Variants in USP42 observed in about 807,000 individuals in gnomAD.
USP42 encodes ubiquitin specific peptidase 42.
USP42 carries 23 observed loss-of-function variants against 113.0 expected under a neutral mutation model. That is an observed-to-expected ratio of 0.20 (90% CI 0.15 to 0.29). USP42 has a LOEUF of 0.29. USP42 is among the 10% of genes least tolerant of loss of function. The pLI is 1.00. For synonymous variants in USP42, 933 were observed against 699.0 expected (o/e 1.33, Z -5.28); for missense variants, 2,174 against 1,779.8 (o/e 1.22, Z -3.99).
At chr7:6,131,967 C>T (rs1780875035) in intron 3 of USP42, among the ~76,000 whole-genome samples, 1 of 152,176 alleles carries the variant, frequency 6.6e-6, no homozygotes, top group Non-Finnish European at 1.5e-5. Context: ...CAGGCTGTCA[C>T]TCTCACCCAG....
intron 3 of USP42, among the ~76,000 whole-genome samples, chr7:6,119,676 A>G (rs1043739731): frequency 7.2e-5 from 11 of 151,872 alleles, no homozygotes; most frequent in African/African-American, 1.9e-4. Context: ...ATACCTATTC[A>G]TTTAGGCCTT....
At chr7:6,146,053 CTCCATCTCA>C in intron 10 of USP42, 86 bp from the exon 11 acceptor site, 1 of 970,194 alleles carries the variant, frequency 1.0e-6, no homozygotes, top group Non-Finnish European at 1.5e-6. Context: ...CAGAGTGAGA[CTCCATCTCA>C]AAAAAAAAGA....
At chr7:6,114,595 T>C (rs994868963) in intron 2 of USP42, among the ~76,000 whole-genome samples, 3 of 148,192 alleles carry the variant, frequency 2.0e-5, no homozygotes, top group Middle Eastern at 3.5e-3. Flanking sequence ...GTTGTTGTTT[T>C]ATGTATATAT....
intron 3 of USP42, among the ~76,000 whole-genome samples, chr7:6,125,370 A>G (rs550032510): frequency 1.1e-3 from 163 of 152,008 alleles, no homozygotes; most frequent in Non-Finnish European, 1.5e-3. Context: ...GATGCCTGTA[A>G]TCTCAGCTAC....
chr7:6,119,965 GT>G (rs1780125510), intron 3 of USP42, among the ~76,000 whole-genome samples: 1 of 151,854 alleles, frequency 6.6e-6, no homozygotes, highest in South Asian at 2.1e-4. Flanking sequence ...GCCTTTTTTT[GT>G]TTTTGTTTTT....
upstream of USP42, among the ~76,000 whole-genome samples, chr7:6,104,146 G>C (rs1779115697): frequency 6.6e-6 from 1 of 151,312 alleles, no homozygotes; most frequent in Non-Finnish European, 1.5e-5. Flanking sequence ...GCAGAGGCGC[G>C]ATCTCGGCTC....
chr7:6,099,237 C>T, the USP42 span, among the ~76,000 whole-genome samples: 16 of 104,408 alleles, frequency 1.5e-4, no homozygotes, highest in Admixed American at 4.9e-4. Context: ...TTTTTTGAGA[C>T]GGAGTCTCGT....
At chr7:6,133,454 A>C (rs1279515349) in intron 3 of USP42, among the ~76,000 whole-genome samples, 1 of 152,106 alleles carries the variant, frequency 6.6e-6, no homozygotes, top group African/African-American at 2.4e-5. Flanking sequence ...CAAGTTCACT[A>C]ATCTTTTCTT....
intron 6 of USP42, 131 bp from the exon 7 acceptor site, chr7:6,140,783 T>C: frequency 1.7e-6 from 1 of 599,888 alleles, no homozygotes. Context: ...TTAAAACTTT[T>C]TTTGTTCAAT....
the USP42 span, among the ~76,000 whole-genome samples, chr7:6,093,252 C>T: frequency 2.2e-5 from 3 of 137,154 alleles, no homozygotes; most frequent in South Asian, 7.1e-4. Flanking sequence ...TCCTTCCTTT[C>T]TTCCTTTCTT....
At chr7:6,147,209 A>G (rs1278045842) in intron 11 of USP42, among the ~76,000 whole-genome samples, 1 of 152,204 alleles carries the variant, frequency 6.6e-6, no homozygotes, top group Non-Finnish European at 1.5e-5. Context: ...TTTTGTTTCT[A>G]ACTTTTTTGG....
At chr7:6,152,532 CT>C (rs1258005250) in intron 14 of USP42, among the ~76,000 whole-genome samples, 1 of 151,204 alleles carries the variant, frequency 6.6e-6, no homozygotes, top group Non-Finnish European at 1.5e-5. Flanking sequence ...CTGAGGCCCT[CT>C]GTTAGGAGGG....
rs1188668870 is a variant in USP42 at position 6,140,214 on chromosome 7, G to C, written c.724+19G>C. 1.2e-6 allele frequency: 2 copies of C among 1,603,974 alleles called. No homozygotes were observed. The highest frequency in any genetic ancestry group is 1.7e-6 in the Non-Finnish European group (2 of 1,171,028). Reference sequence around the variant, plus strand: ...TCTAGAGGTAAGCTTTTGCTTATAAGTTGATAAAATGATACACACATGTGG... The same window carrying C: ...TCTAGAGGTAAGCTTTTGCTTATAACTTGATAAAATGATACACACATGTGG... On this transcript the variant is annotated intron_variant, in intron 6 of 17. Coordinates refer to ENST00000306177, the MANE Select transcript of USP42 (RefSeq NM_032172.3).
chr7:6,094,647 T>A, the USP42 span, among the ~76,000 whole-genome samples: 1 of 151,144 alleles, frequency 6.6e-6, no homozygotes, highest in Admixed American at 6.6e-5. Flanking sequence ...ACTGGTAAAT[T>A]AAATGAGCAG....
intron 8 of USP42, among the ~76,000 whole-genome samples, 155 bp from the exon 9 acceptor site, chr7:6,143,930 T>G (rs1357523319): frequency 6.6e-6 from 1 of 152,178 alleles, no homozygotes; most frequent in African/African-American, 2.4e-5. Context: ...AATGTTAATA[T>G]TTTCACTGTT....
intron 17 of USP42, 102 bp from the exon 18 acceptor site, chr7:6,160,453 G>C (rs1034573290): frequency 1.3e-5 from 2 of 152,604 alleles, no homozygotes; most frequent in African/African-American, 4.8e-5. Context: ...TCAAGGAAGA[G>C]CTTCCCCAGC....
In USP42 at chr7:6,154,914, C is replaced by A. The variant is rs1782345583; in HGVS notation, c.3360C>A (p.Gly1120=). 5.2e-6 allele frequency: 8 copies of A among 1,548,080 alleles called. No homozygotes were observed. The highest frequency in any genetic ancestry group is 2.0e-5 in the Admixed American group (1 of 50,848). Residue 1120 remains glycine, a synonymous_variant, in exon 15 of 18, where the codon GGC becomes GGA. Transcript: ENST00000306177. ...ERHRPSSPRA[G]APHALAPHPD... ...ACCGCCCCAGCAGCCCCCGCGCAGG[C>A]GCGCCCCACGCCCTCGCCCCGCACC...
In USP42 at chr7:6,158,486, CCCT is replaced by C. The variant is rs1329761574; in HGVS notation, c.3944-961_3944-959del. 6.6e-6 allele frequency among the ~76,000 whole-genome samples: 1 copy of C among 152,158 alleles called. No homozygotes were observed. The highest frequency in any genetic ancestry group is 1.5e-5 in the Non-Finnish European group (1 of 68,036). On this transcript the variant is annotated intron_variant, in intron 16 of 17. Transcript: ENST00000306177. The surrounding 1 kb of genome is among the most constrained non-coding windows in gnomAD (Gnocchi z 4.2). Reference sequence around the variant, plus strand: ...GCTGTGTGTTCTGGGGAAGGCCTGTCCCTCCCAGCAGCCCAGAGCCAGCATGCA... The same window carrying C: ...GCTGTGTGTTCTGGGGAAGGCCTGTCCCCAGCAGCCCAGAGCCAGCATGCA...
At chr7:6,098,007 C>T in the USP42 span, among the ~76,000 whole-genome samples, 5 of 145,834 alleles carry the variant, frequency 3.4e-5, no homozygotes, top group East Asian at 2.0e-4. Flanking sequence ...CTGGTTTAAG[C>T]GATTCTCCTG....
Sources: gnomAD v4.1 joint callset for allele counts (sites outside exome capture counted in the v4.1 genomes callset) on GRCh38, gnomAD v4.1.1 for gene constraint, Gnocchi (gnomAD v3.1) non-coding constraint, MANE v1.5 for transcripts, NCBI Gene and HGNC (gene_info 2026-07-23, HGNC 2026-07-21) for gene names.